The following PARVA variants were observed in gnomAD, a reference collection of about 807,000 sequenced individuals.
PARVA encodes the protein parvin alpha.
A neutral mutation model predicts 52.6 loss-of-function variants in PARVA; 25 were observed. That is an observed-to-expected ratio of 0.48 (90% CI 0.35 to 0.66). The LOEUF (loss-of-function observed/expected upper bound fraction) is 0.66, where lower values mean the gene tolerates loss of function less well. PARVA is among the 30% of genes least tolerant of loss of function. The pLI is 0.01. For missense variants in PARVA, 373 were observed against 450.9 expected (o/e 0.83, Z 1.56); for synonymous variants, 185 against 179.1 (o/e 1.03, Z -0.26).
intron 1 of PARVA, among the ~76,000 whole-genome samples, chr11:12,461,023 T>TC (rs1334683016): frequency 1.3e-5 from 2 of 151,846 alleles, no homozygotes; most frequent in South Asian, 2.1e-4. Flanking sequence ...GGATGCAGCG[T>TC]CCCCCCCTCT....
chr11:12,509,180 T>C (rs1044804184), intron 7 of PARVA, among the ~76,000 whole-genome samples: 1 of 151,344 alleles, frequency 6.6e-6, no homozygotes, highest in Non-Finnish European at 1.5e-5. Context: ...GAAAAAAAAT[T>C]CATAGTGTGG....
intron 1 of PARVA, among the ~76,000 whole-genome samples, chr11:12,409,402 T>C (rs77698877): frequency 0.016 from 2,371 of 152,264 alleles, 60 homozygotes; most frequent in African/African-American, 0.054. Flanking sequence ...TATGTTATCT[T>C]CTATGGTAAA....
Position 12,517,615 on chromosome 11 carries a change from A to C in PARVA, c.873A>C (p.Ala291=), listed in dbSNP as rs747138133. The change falls in exon 11 of 13, where the codon GCA becomes GCC. Residue 291 remains alanine, a synonymous_variant. Coordinates refer to ENST00000334956, the MANE Select transcript of PARVA (RefSeq NM_018222.5). ...LEVTELETQF[A]DGVYLVLLMG... ...TCACCTGGCTCTTCCTCCAGTTTGC[A>C]GATGGGGTGTACCTGGTGCTGCTCA... 1 of 1,593,262 alleles carries C rather than the reference A, an allele frequency of 6.3e-7. No homozygotes were observed. Among genetic ancestry groups the C allele is most frequent in the Non-Finnish European group, 8.6e-7 (1 of 1,169,210 alleles).
chr11:12,532,487 A>G lies in PARVA; in HGVS notation c.*4562A>G, dbSNP rs914166809. Reference sequence around the variant, plus strand: ...ATGAGTACTCTGAACTCAGGACTTCATTTAGTCATATATTCGGCAAGTATG... The same window carrying G: ...ATGAGTACTCTGAACTCAGGACTTCGTTTAGTCATATATTCGGCAAGTATG... On this transcript the variant is annotated 3_prime_UTR_variant, in exon 13 of 13. Coordinates refer to ENST00000334956, the MANE Select transcript of PARVA (RefSeq NM_018222.5). Among the ~76,000 whole-genome samples, 1 of 152,152 alleles carries G rather than the reference A, an allele frequency of 6.6e-6. No individual in the cohort carries two copies. The highest frequency in any genetic ancestry group is 2.4e-5 in the African/African-American group (1 of 41,446).
intron 8 of PARVA, 88 bp from the exon 9 acceptor site, chr11:12,513,211 T>C: frequency 9.4e-7 from 1 of 1,069,036 alleles, no homozygotes; most frequent in Non-Finnish European, 1.5e-6. Context: ...CTTGTGACCT[T>C]GAGAGGCGCG....
chr11:12,459,238 C>CA (rs150935929), intron 1 of PARVA, among the ~76,000 whole-genome samples: 7 of 151,374 alleles, frequency 4.6e-5, no homozygotes, highest in African/African-American at 1.2e-4. Context: ...CCTGTCTCCA[C>CA]AACAAAAAAT....
At chr11:12,497,959 AC>A (rs1192281732) in intron 5 of PARVA, among the ~76,000 whole-genome samples, 1 of 152,212 alleles carries the variant, frequency 6.6e-6, no homozygotes, top group African/African-American at 2.4e-5. Flanking sequence ...TCCAAAAAAA[AC>A]AAGTCAAACA....
chr11:12,394,910 G>A (rs1939715553), intron 1 of PARVA, among the ~76,000 whole-genome samples: 1 of 151,990 alleles, frequency 6.6e-6, no homozygotes, highest in Non-Finnish European at 1.5e-5. Context: ...TGACCAACAT[G>A]GTGAAACCCC....
At chr11:12,435,302 G>C (rs1392680839) in intron 1 of PARVA, among the ~76,000 whole-genome samples, 2 of 151,946 alleles carry the variant, frequency 1.3e-5, no homozygotes, top group Non-Finnish European at 2.9e-5. Flanking sequence ...TCCTCCCTTA[G>C]TTCCCATCCT....
At chr11:12,491,719 AATC>A (rs1173848589) in intron 4 of PARVA, among the ~76,000 whole-genome samples, 1 of 152,230 alleles carries the variant, frequency 6.6e-6, no homozygotes, top group Non-Finnish European at 1.5e-5. Flanking sequence ...TTAAAATGAT[AATC>A]ATTACTTCAA....
At chr11:12,438,748 A>G (rs1158301015) in intron 1 of PARVA, among the ~76,000 whole-genome samples, 1 of 152,150 alleles carries the variant, frequency 6.6e-6, no homozygotes, top group Non-Finnish European at 1.5e-5. Flanking sequence ...GTTCCCATTC[A>G]TAGTTGAGAC....
chr11:12,427,534 A>C (rs1940255113), intron 1 of PARVA, among the ~76,000 whole-genome samples: 1 of 152,254 alleles, frequency 6.6e-6, no homozygotes, highest in South Asian at 2.1e-4. Flanking sequence ...AATTATGGAC[A>C]GCCTTCTCTG....
In PARVA at chr11:12,484,459, G is replaced by T. The variant is rs114621556; in HGVS notation, c.400+6510G>T. On this transcript the variant is annotated intron_variant, in intron 4 of 12. Transcript: ENST00000334956. ...TCATTCTTCAGGCTTGAGACCAAAAGTTTCCCTGTGGCAGTAAAGTTCTGC... is the reference window on the plus strand; with the variant it reads ...TCATTCTTCAGGCTTGAGACCAAAATTTTCCCTGTGGCAGTAAAGTTCTGC... Among the ~76,000 whole-genome samples the T allele has an allele frequency of 4.8e-3, 733 of 151,772 alleles. 8 individuals carry two copies. The highest frequency in any genetic ancestry group is 0.017 in the African/African-American group (697 of 41,326).
At chr11:12,485,611 A>C (rs1246557024) in intron 4 of PARVA, among the ~76,000 whole-genome samples, 1 of 152,240 alleles carries the variant, frequency 6.6e-6, no homozygotes, top group Non-Finnish European at 1.5e-5. Flanking sequence ...AAATACCCTT[A>C]AATTGATACT....
intron 1 of PARVA, among the ~76,000 whole-genome samples, chr11:12,433,159 C>A (rs562023347): frequency 9.9e-5 from 15 of 152,216 alleles, no homozygotes; most frequent in African/African-American, 3.6e-4. Flanking sequence ...CAAGGGAGGC[C>A]AAGTTTCATT....
At chr11:12,405,923 A>C (rs1368316498) in intron 1 of PARVA, among the ~76,000 whole-genome samples, 1 of 152,212 alleles carries the variant, frequency 6.6e-6, no homozygotes, top group South Asian at 2.1e-4. Context: ...CTGCCACTGC[A>C]CTCCAGCCTG....
At chr11:12,442,294 C>T (rs1940477972) in intron 1 of PARVA, among the ~76,000 whole-genome samples, 1 of 152,216 alleles carries the variant, frequency 6.6e-6, no homozygotes, top group Admixed American at 6.5e-5. Flanking sequence ...GATCACAATA[C>T]CTACTTAGCA....
At position 12,528,441 on chromosome 11, in the gene PARVA, G is replaced by A. The variant is rs1309345168; in HGVS notation, c.*516G>A. On this transcript the variant is annotated 3_prime_UTR_variant, in exon 13 of 13. Coordinates refer to ENST00000334956, the MANE Select transcript of PARVA (RefSeq NM_018222.5). ...AGAAGTTGGAATTTTTTTCCTCTTT[G>A]AACATAACCTCTCCCTTCTCCCTAA... 1 of 158,434 alleles carries A rather than the reference G, an allele frequency of 6.3e-6. No individual in the cohort carries two copies. Among genetic ancestry groups the A allele is most frequent in the East Asian group, 1.8e-4 (1 of 5,572 alleles). 9.8% of individuals were successfully genotyped at this position (158,434 alleles called of 1,614,324 possible).
intron 1 of PARVA, among the ~76,000 whole-genome samples, chr11:12,441,918 T>G (rs1412479591): frequency 6.6e-6 from 1 of 152,168 alleles, no homozygotes; most frequent in Non-Finnish European, 1.5e-5. Flanking sequence ...AATAGTTGAG[T>G]GTCAAAAAAT....
Sources: allele counts gnomAD v4.1 joint callset (sites outside exome capture counted in the v4.1 genomes callset), GRCh38; gene constraint gnomAD v4.1.1; transcripts MANE v1.5; gene names NCBI Gene and HGNC (gene_info 2026-07-23, HGNC 2026-07-21).